GALNT11: variants seen among roughly 807,000 people sequenced by gnomAD.
GALNT11 encodes the protein polypeptide N-acetylgalactosaminyltransferase 11.
In GALNT11, 47 loss-of-function variants were observed where a neutral mutation model predicts 72.7. The ratio of observed to expected loss-of-function variants is 0.65; its 90% CI spans 0.51 to 0.82. GALNT11 has a LOEUF of 0.82. GALNT11 is among the 40% of genes least tolerant of loss of function. The pLI, the probability that GALNT11 is intolerant of heterozygous loss-of-function variation, is 0.00. For synonymous variants in GALNT11, 270 were observed against 286.6 expected (o/e 0.94, Z 0.58); for missense variants, 677 against 778.4 (o/e 0.87, Z 1.55).
intron 11 of GALNT11, 61 bp downstream of exon 11, chr7:152,121,029 G>T: frequency 6.4e-7 from 1 of 1,567,782 alleles, no homozygotes; most frequent in Non-Finnish European, 8.6e-7. Context: ...GAGTGAGGGA[G>T]TGTGGCAGAT....
At chr7:152,114,418 C>T (rs913801227) in intron 8 of GALNT11, among the ~76,000 whole-genome samples, 1 of 152,200 alleles carries the variant, frequency 6.6e-6, no homozygotes, top group Admixed American at 6.5e-5. Context: ...CTGGCTTCTT[C>T]AGTTGAGCAT....
At chr7:152,091,683 G>T (rs973907533) in intron 1 of GALNT11, among the ~76,000 whole-genome samples, 1 of 152,122 alleles carries the variant, frequency 6.6e-6, no homozygotes, top group African/African-American at 2.4e-5. Context: ...CAGCCGGAGA[G>T]GAAAGTTTCA....
intron 1 of GALNT11, chr7:152,079,455 G>A (rs1587214075): frequency 6.6e-6 from 1 of 152,154 alleles, no homozygotes; most frequent in African/African-American, 2.4e-5. Context: ...CTATGTGTTT[G>A]ATTAAATTTG....
chr7:152,050,293 G>A (rs2083332615), intron 1 of GALNT11, among the ~76,000 whole-genome samples: 1 of 152,154 alleles, frequency 6.6e-6, no homozygotes, highest in African/African-American at 2.4e-5. Context: ...CACTGCTGAT[G>A]ATTTGGGGCC....
chr7:152,061,619 A>G (rs558391381), intron 1 of GALNT11, among the ~76,000 whole-genome samples: 52 of 152,334 alleles, frequency 3.4e-4, no homozygotes, highest in African/African-American at 1.3e-3. Context: ...TCTAACATTT[A>G]AGTCTCCAAT....
Position 152,105,348 on chromosome 7 carries a change from G to A in GALNT11, c.690G>A (p.Met230Ile). 5.0e-6 allele frequency: 8 copies of A among 1,613,742 alleles called. No homozygotes were observed. The highest frequency in any genetic ancestry group is 6.8e-6 in the Non-Finnish European group (8 of 1,179,854). ...GTGAGGGGTTGATTCGAGGGAGAATGATTGGCGCGGCCCACGCGACAGGTA... is the reference window on the plus strand; with the variant it reads ...GTGAGGGGTTGATTCGAGGGAGAATAATTGGCGCGGCCCACGCGACAGGTA... ...TKREGLIRGR[M>I]IGAAHATGEV... The change falls in exon 5 of 12, where the codon ATG becomes ATA. Residue 230 changes from methionine to isoleucine, a missense_variant. Transcript: ENST00000430044.
chr7:152,074,974 A>G (rs1201639138), intron 1 of GALNT11: 1 of 152,050 alleles, frequency 6.6e-6, no homozygotes, highest in Non-Finnish European at 1.5e-5. Context: ...TGGCAGAGAA[A>G]ACTCTGGGCT....
chr7:152,041,874 T>C (rs1014748975), intron 1 of GALNT11, among the ~76,000 whole-genome samples: 4 of 152,254 alleles, frequency 2.6e-5, no homozygotes, highest in Non-Finnish European at 5.9e-5. Flanking sequence ...TGTCATTTAC[T>C]AAGGTCCCCA....
At chr7:152,089,189 G>A (rs1466207807) in intron 1 of GALNT11, among the ~76,000 whole-genome samples, 1 of 152,042 alleles carries the variant, frequency 6.6e-6, no homozygotes, top group Non-Finnish European at 1.5e-5. Flanking sequence ...ATCATAGGGG[G>A]GTGGACAACA....
At chr7:152,040,056 G>T (rs1048990582) in intron 1 of GALNT11, among the ~76,000 whole-genome samples, 1 of 151,982 alleles carries the variant, frequency 6.6e-6, no homozygotes, top group African/African-American at 2.4e-5. Flanking sequence ...TTGTCCTTGA[G>T]AATTATATGG....
chr7:152,070,119 C>G (rs2084548714), intron 1 of GALNT11, among the ~76,000 whole-genome samples: 1 of 151,842 alleles, frequency 6.6e-6, no homozygotes, highest in African/African-American at 2.4e-5. Flanking sequence ...GCCTCAGCCT[C>G]CCAAGTAGCT....
rs1462529985 is a variant in GALNT11, at chr7:152,055,563, GTGTGTA to G, written c.-39+29681_-39+29686del. ...TGTGTGTGTGTGTGTGTGTGTGTGT[GTGTGTA>G]TATATACATATATATATATACACAC... On this transcript the variant is annotated intron_variant, in intron 1 of 11. Transcript: ENST00000430044. 7.9e-3 allele frequency among the ~76,000 whole-genome samples: 886 copies of G among 111,896 alleles called. 8 individuals are homozygous for G. The highest frequency in any genetic ancestry group is 0.035 in the East Asian group (133 of 3,748). 73.4% of individuals were successfully genotyped at this position (111,896 alleles called of 152,430 possible). A position where few individuals can be genotyped will look rare whatever the true frequency, so the allele number is the denominator to read the frequency against.
chr7:152,117,626 A>G, intron 9 of GALNT11: 1 of 531,426 alleles, frequency 1.9e-6, no homozygotes, highest in East Asian at 3.3e-5. Context: ...CCAAGAGCGC[A>G]GAGGCATATG....
chr7:152,094,199 A>G lies in GALNT11; in HGVS notation c.-29A>G, dbSNP rs1290717525. On this transcript the variant is annotated 5_prime_UTR_variant, in exon 2 of 12. Transcript: ENST00000430044. The surrounding 1 kb of genome is among the most constrained non-coding windows in gnomAD (Gnocchi z 4.3). ...TATTCTTCTTTTTTAGGAAATTGAC[A>G]ATGGCCCTTCAGCTATGCTAGGTCT... 6.5e-7 allele frequency: 1 copy of G among 1,543,168 alleles called. No homozygotes were observed. The highest frequency in any genetic ancestry group is 1.3e-5 in the South Asian group (1 of 79,202).
intron 3 of GALNT11, 126 bp from the exon 4 acceptor site, chr7:152,102,981 CAAAAA>C (rs11358024): frequency 2.1e-5 from 13 of 606,408 alleles, no homozygotes; most frequent in Middle Eastern, 5.2e-4. Flanking sequence ...GACTCCGTCT[CAAAAA>C]AAAAAAAAAA....
chr7:152,116,333 C>G (rs2088846062), intron 8 of GALNT11, among the ~76,000 whole-genome samples: 1 of 152,142 alleles, frequency 6.6e-6, no homozygotes. Context: ...TCACTGCAAC[C>G]TCCACCTCCC....
At chr7:152,096,903 C>T (rs1230113558) in intron 2 of GALNT11, among the ~76,000 whole-genome samples, 2 of 152,186 alleles carry the variant, frequency 1.3e-5, no homozygotes, top group African/African-American at 4.8e-5. Flanking sequence ...TCATGACTCA[C>T]TGCAGCCTCA....
At chr7:152,086,903 T>A (rs1157861059) in intron 1 of GALNT11, among the ~76,000 whole-genome samples, 1 of 152,242 alleles carries the variant, frequency 6.6e-6, no homozygotes, top group Non-Finnish European at 1.5e-5. Flanking sequence ...CTAGTTTTTA[T>A]ACTATTGTTG....
intron 7 of GALNT11, 59 bp from the exon 8 acceptor site, chr7:152,113,187 T>A (rs1026880117): frequency 4.6e-6 from 7 of 1,511,246 alleles, no homozygotes; most frequent in Non-Finnish European, 6.2e-6. Flanking sequence ...TGAAAATTCA[T>A]ACATTGGTTT....
Sources: allele counts gnomAD v4.1 joint callset (sites outside exome capture counted in the v4.1 genomes callset), GRCh38; gene constraint gnomAD v4.1.1; non-coding constraint Gnocchi (gnomAD v3.1); transcripts MANE v1.5; gene names NCBI Gene and HGNC (gene_info 2026-07-23, HGNC 2026-07-21).